The following RYR2 variants were observed in gnomAD, a reference collection of about 807,000 sequenced individuals.
The protein encoded by RYR2 is cardiac muscle ryanodine receptor-calcium release channel.
In RYR2, 227 loss-of-function variants were observed where a neutral mutation model predicts 601.1. The observed-to-expected ratio is 0.38, with a 90% CI of 0.34 to 0.42. The LOEUF (loss-of-function observed/expected upper bound fraction) is 0.42, where lower values mean the gene tolerates loss of function less well. Among genes scored for constraint, RYR2 ranks in the 10% least tolerant of loss-of-function variants. The pLI is 1.00. For missense variants in RYR2, 4,646 were observed against 6,156.5 expected (o/e 0.75, Z 8.21); for synonymous variants, 2,223 against 2,175.1 (o/e 1.02, Z -0.61).
At chr1:237,703,705 A>G (rs969587792) in intron 66 of RYR2, among the ~76,000 whole-genome samples, 6 of 150,996 alleles carry the variant, frequency 4.0e-5, no homozygotes, top group East Asian at 3.9e-4. Flanking sequence ...TAATTTTGAC[A>G]TAATCAATCA....
intron 3 of RYR2, among the ~76,000 whole-genome samples, chr1:237,340,120 C>A (rs1219692074): frequency 1.3e-5 from 2 of 152,192 alleles, no homozygotes; most frequent in African/African-American, 4.8e-5. Context: ...TATGCTTTCA[C>A]TGGAAATGTT....
chr1:237,718,365 C>A, intron 72 of RYR2, 97 bp from the exon 73 acceptor site: 1 of 608,672 alleles, frequency 1.6e-6, no homozygotes, highest in African/African-American at 1.8e-5. Flanking sequence ...GTTTCTCAGA[C>A]GTATACTATT....
rs1670272252 is a variant in RYR2 at position 237,550,437 on chromosome 1, G to A, written c.3067-107G>A. 4 of 1,275,328 alleles carry A rather than the reference G, an allele frequency of 3.1e-6. No individual in the cohort carries two copies. In the South Asian group the frequency reaches 4.1e-5, roughly 13 times the overall value. 79.0% of individuals were successfully genotyped at this position (1,275,328 alleles called of 1,614,324 possible). A position where few individuals can be genotyped will look rare whatever the true frequency, so the allele number is the denominator to read the frequency against. Reference sequence around the variant, plus strand: ...CTGGGAAGACGCATGGATTGTGGAAGGGTCACGTTTTTCTCATGGAATTTA... The same window carrying A: ...CTGGGAAGACGCATGGATTGTGGAAAGGTCACGTTTTTCTCATGGAATTTA... On this transcript the variant is annotated intron_variant, in intron 26 of 104. Coordinates refer to ENST00000366574, the MANE Select transcript of RYR2 (RefSeq NM_001035.3).
intron 8 of RYR2, among the ~76,000 whole-genome samples, chr1:237,386,534 AG>A (rs1311664927): frequency 6.6e-6 from 1 of 152,252 alleles, no homozygotes; most frequent in Admixed American, 6.5e-5. Context: ...CCACGAAAAC[AG>A]GTGGTTGCTC....
chr1:237,219,214 C>T lies in RYR2; in HGVS notation c.49-51283C>T, dbSNP rs140944616. Among the ~76,000 whole-genome samples, 83 of 152,122 alleles carry T rather than the reference C, an allele frequency of 5.5e-4. No homozygotes were observed. In the East Asian group the frequency reaches 9.1e-3, roughly 17 times the overall value. On this transcript the variant is annotated intron_variant, in intron 1 of 104. Coordinates refer to ENST00000366574, the MANE Select transcript of RYR2 (RefSeq NM_001035.3). ...TGTATTTTTAGTAGAGATGGGGTTT[C>T]ACCATGTTGGCCAGGCTGGTCTCGA...
At chr1:237,303,035 G>A (rs977035595) in intron 2 of RYR2, among the ~76,000 whole-genome samples, 8 of 152,130 alleles carry the variant, frequency 5.3e-5, no homozygotes, top group African/African-American at 1.9e-4. Flanking sequence ...TAAGATCTCT[G>A]TTTTGAAAGA....
chr1:237,753,184 A>G (rs1692678792), intron 80 of RYR2, among the ~76,000 whole-genome samples: 1 of 152,236 alleles, frequency 6.6e-6, no homozygotes, highest in South Asian at 2.1e-4. Context: ...TCTCCATTAC[A>G]AAGATAAACT....
chr1:237,659,122 C>T (rs760975624), intron 54 of RYR2, among the ~76,000 whole-genome samples: 2 of 152,186 alleles, frequency 1.3e-5, no homozygotes, highest in Admixed American at 1.3e-4. Flanking sequence ...GTGTATGCTA[C>T]GTAACAAATA....
intron 65 of RYR2, among the ~76,000 whole-genome samples, 160 bp downstream of exon 65, chr1:237,700,627 G>C (rs896932015): frequency 5.9e-5 from 9 of 151,878 alleles, no homozygotes; most frequent in African/African-American, 2.2e-4. Flanking sequence ...TTGTGTGATA[G>C]ACACCATTCT....
chr1:237,742,820 G>A (rs183804564), intron 80 of RYR2, among the ~76,000 whole-genome samples: 8 of 152,290 alleles, frequency 5.3e-5, no homozygotes, highest in East Asian at 1.9e-4. Context: ...GGCACACAAC[G>A]CAGTTTGCTT....
intron 1 of RYR2, among the ~76,000 whole-genome samples, chr1:237,112,951 A>G (rs1001887020): frequency 6.6e-6 from 1 of 151,986 alleles, no homozygotes; most frequent in Non-Finnish European, 1.5e-5. Context: ...GCGTCATATA[A>G]CTATTTATTA....
chr1:237,319,961 A>T (rs953014528), intron 2 of RYR2, among the ~76,000 whole-genome samples: 1 of 152,192 alleles, frequency 6.6e-6, no homozygotes, highest in African/African-American at 2.4e-5. Context: ...ACAAGGTGGC[A>T]CAGCTACTGG....
chr1:237,756,335 C>T lies in RYR2; in HGVS notation c.11193C>T (p.Leu3731=), dbSNP rs766861176. 3 of 1,613,646 alleles carry T rather than the reference C, an allele frequency of 1.9e-6. No homozygotes were observed. In the South Asian group the frequency reaches 3.3e-5, roughly 18 times the overall value. ...AGCTTCTATACCAGCAAGCCCGACT[C>T]CACGATCGTGGCGCGGCTGAGATGG... ...KQKLLYQQAR[L]HDRGAAEMVL... is the part of the protein sequence containing the mutation. The change falls in exon 81 of 105, where the codon CTC becomes CTT. Residue 3731 remains leucine (L), a synonymous_variant. Transcript: ENST00000366574.
chr1:237,171,597 G>A (rs954022683), intron 1 of RYR2, among the ~76,000 whole-genome samples: 3 of 152,098 alleles, frequency 2.0e-5, no homozygotes, highest in Non-Finnish European at 4.4e-5. Context: ...TTGGCTGATC[G>A]CCACTTGTAC....
chr1:237,160,395 G>A (rs940605496), intron 1 of RYR2, among the ~76,000 whole-genome samples: 1 of 152,062 alleles, frequency 6.6e-6, no homozygotes, highest in Non-Finnish European at 1.5e-5. Context: ...AATTCTTAAA[G>A]CCTACTGATC....
At chr1:237,603,284 G>A (rs1676711844) in intron 35 of RYR2, among the ~76,000 whole-genome samples, 1 of 152,190 alleles carries the variant, frequency 6.6e-6, no homozygotes, top group South Asian at 2.1e-4. Context: ...ACTCTAGTCT[G>A]GCACGGTGAA....
At chr1:237,066,875 A>G (rs1033896347) in intron 1 of RYR2, among the ~76,000 whole-genome samples, 2 of 151,944 alleles carry the variant, frequency 1.3e-5, no homozygotes, top group African/African-American at 4.8e-5. Context: ...CTGACCTCGC[A>G]ATCCGCCCGC....
intron 1 of RYR2, among the ~76,000 whole-genome samples, chr1:237,197,192 A>G (rs977031565): frequency 8.5e-5 from 13 of 152,310 alleles, no homozygotes; most frequent in Admixed American, 7.2e-4. Flanking sequence ...TCTGTGAATA[A>G]TGTCTTTTGT....
At chr1:237,621,184 G>A (rs1429599102) in intron 38 of RYR2, among the ~76,000 whole-genome samples, 1 of 152,036 alleles carries the variant, frequency 6.6e-6, no homozygotes, top group Non-Finnish European at 1.5e-5. Flanking sequence ...AGGAAGTATG[G>A]GGAGAAATTT....
Sources: allele counts gnomAD v4.1 joint callset (sites outside exome capture counted in the v4.1 genomes callset), GRCh38; gene constraint gnomAD v4.1.1; transcripts MANE v1.5; gene names NCBI Gene and HGNC (gene_info 2026-07-23, HGNC 2026-07-21).